The following RUNDC3B variants were observed in gnomAD, a reference collection of about 807,000 sequenced individuals.
RUNDC3B encodes RUN domain-containing protein 3B.
A neutral mutation model predicts 58.4 loss-of-function variants in RUNDC3B; 33 were observed. The ratio of observed to expected loss-of-function variants is 0.56; its 90% CI spans 0.43 to 0.75. The LOEUF (loss-of-function observed/expected upper bound fraction) is 0.75, where lower values mean the gene tolerates loss of function less well. Among genes scored for constraint, RUNDC3B ranks in the 30% least tolerant of loss-of-function variants. RUNDC3B has a pLI of 0.00. For missense variants in RUNDC3B, 501 were observed against 535.7 expected (o/e 0.94, Z 0.64); for synonymous variants, 193 against 195.2 (o/e 0.99, Z 0.10).
chr7:87,745,025 G>T lies in RUNDC3B; in HGVS notation c.629+3446G>T, dbSNP rs150259383. On this transcript the variant is annotated intron_variant, in intron 6 of 10. Transcript: ENST00000394654. ...TTTTGCTGACATTTTTAATCATAAA[G>T]GGATGTGCTGGATTTTATTGAATGC... is the stretch of plus-strand genomic sequence containing the variant. Among the ~76,000 whole-genome samples, 322 of 152,236 alleles carry T rather than the reference G, an allele frequency of 2.1e-3. 1 individual carries two copies. Among genetic ancestry groups the T allele is most frequent in the African/African-American group, 7.3e-3 (302 of 41,542 alleles).
At position 87,653,734 on chromosome 7, in the gene RUNDC3B, T is replaced by C. The variant is rs555338422; in HGVS notation, c.238+2797T>C. Among the ~76,000 whole-genome samples the C allele has an allele frequency of 2.0e-5, 3 of 152,156 alleles. No individual in the cohort carries two copies. In the East Asian group the frequency reaches 5.8e-4, roughly 29 times the overall value. On this transcript the variant is annotated intron_variant, in intron 2 of 10. Coordinates refer to ENST00000394654, the MANE Select transcript of RUNDC3B (RefSeq NM_001134405.2). ...TATAATCCTTTTCCCAAGTTCCCTC[T>C]TTTCTTTCTCCCAGGTAAGGTATTG...
intron 8 of RUNDC3B, among the ~76,000 whole-genome samples, chr7:87,786,514 C>G (rs1202808065): frequency 5.3e-5 from 8 of 150,668 alleles, no homozygotes; most frequent in Admixed American, 5.3e-4. Flanking sequence ...CTTCCATTAG[C>G]AGGGAGAAAA....
chr7:87,824,096 A>T (rs1244948982), intron 10 of RUNDC3B, among the ~76,000 whole-genome samples: 1 of 152,208 alleles, frequency 6.6e-6, no homozygotes, highest in Non-Finnish European at 1.5e-5. Flanking sequence ...TTGGGGGTAC[A>T]TGTGATAATT....
chr7:87,750,277 A>T (rs1193701685), intron 6 of RUNDC3B, among the ~76,000 whole-genome samples: 1 of 151,852 alleles, frequency 6.6e-6, no homozygotes, highest in African/African-American at 2.4e-5. Flanking sequence ...CCAGTCTATC[A>T]TTGTTGGACA....
chr7:87,699,217 A>T (rs1229520352), intron 2 of RUNDC3B, among the ~76,000 whole-genome samples: 2 of 152,152 alleles, frequency 1.3e-5, no homozygotes, highest in Non-Finnish European at 1.5e-5. Flanking sequence ...TAAATAATTA[A>T]ATCATGATGA....
intron 6 of RUNDC3B, among the ~76,000 whole-genome samples, chr7:87,761,745 CA>C (rs1476283532): frequency 1.1e-4 from 17 of 151,894 alleles, no homozygotes; most frequent in Non-Finnish European, 2.2e-4. Context: ...TTCAGTTCCC[CA>C]AAAGTACACT....
intron 2 of RUNDC3B, among the ~76,000 whole-genome samples, chr7:87,663,209 T>G (rs916169083): frequency 1.3e-5 from 2 of 152,290 alleles, no homozygotes; most frequent in Admixed American, 6.5e-5. Context: ...GACTTTTTCC[T>G]TTTTAGTTGG....
At chr7:87,731,441 C>G (rs1374238603) in intron 4 of RUNDC3B, among the ~76,000 whole-genome samples, 2 of 151,946 alleles carry the variant, frequency 1.3e-5, no homozygotes, top group African/African-American at 4.8e-5. Context: ...TGAAAATGGA[C>G]TAAACTCTCC....
chr7:87,828,628 T>A (rs978769820), intron 10 of RUNDC3B, among the ~76,000 whole-genome samples: 2 of 152,220 alleles, frequency 1.3e-5, no homozygotes, highest in African/African-American at 4.8e-5. Context: ...CCACTGCTGA[T>A]GGGCTCCTAG....
chr7:87,721,775 C>T, intron 4 of RUNDC3B, among the ~76,000 whole-genome samples: 1 of 147,548 alleles, frequency 6.8e-6, no homozygotes, highest in South Asian at 2.1e-4. Flanking sequence ...CATTCTCTTT[C>T]TCTCTCTCTC....
At chr7:87,680,015 A>T (rs1282284703) in intron 2 of RUNDC3B, among the ~76,000 whole-genome samples, 1 of 150,414 alleles carries the variant, frequency 6.6e-6, no homozygotes, top group Non-Finnish European at 1.5e-5. Flanking sequence ...TCCTAATGTT[A>T]TCCCTACCCT....
intron 4 of RUNDC3B, among the ~76,000 whole-genome samples, chr7:87,730,259 T>C (rs1398845416): frequency 6.6e-6 from 1 of 152,060 alleles, no homozygotes; most frequent in East Asian, 1.9e-4. Flanking sequence ...CACAGTGATG[T>C]AGAGAAACAA....
At chr7:87,819,446 T>G (rs1013793152) in intron 10 of RUNDC3B, among the ~76,000 whole-genome samples, 1 of 152,258 alleles carries the variant, frequency 6.6e-6, no homozygotes, top group Admixed American at 6.5e-5. Flanking sequence ...TGGGAGACTT[T>G]AACACCCCAC....
chr7:87,766,155 A>G (rs1399432870), intron 6 of RUNDC3B, among the ~76,000 whole-genome samples: 2 of 151,992 alleles, frequency 1.3e-5, no homozygotes, highest in African/African-American at 4.8e-5. Context: ...ATCTTTTTCA[A>G]ACTCTTCCAT....
Position 87,660,677 on chromosome 7 carries a change from A to T in RUNDC3B, c.238+9740A>T, listed in dbSNP as rs891671236. 4.6e-5 allele frequency among the ~76,000 whole-genome samples: 7 copies of T among 151,594 alleles called. No individual in the cohort carries two copies. In the East Asian group the frequency reaches 1.4e-3, roughly 29 times the overall value. On this transcript the variant is annotated intron_variant, in intron 2 of 10. Transcript: ENST00000394654. ...CTGTTATATCTTCTTTGGCTCTATT[A>T]TGTTTATGTTGGACTCTTAGCAGAT...
At chr7:87,656,084 G>C (rs1046101107) in intron 2 of RUNDC3B, among the ~76,000 whole-genome samples, 5 of 151,996 alleles carry the variant, frequency 3.3e-5, no homozygotes, top group Non-Finnish European at 5.9e-5. Context: ...ATAAATTTCA[G>C]TTATCTATAA....
intron 2 of RUNDC3B, among the ~76,000 whole-genome samples, chr7:87,673,781 A>C (rs1241956555): frequency 6.6e-6 from 1 of 152,016 alleles, no homozygotes; most frequent in Non-Finnish European, 1.5e-5. Context: ...GTAATAAGAC[A>C]CTCTGGCTGT....
intron 6 of RUNDC3B, among the ~76,000 whole-genome samples, chr7:87,750,510 T>C (rs1832909015): frequency 6.6e-6 from 1 of 152,116 alleles, no homozygotes; most frequent in African/African-American, 2.4e-5. Context: ...GTAAAAGTGT[T>C]CCTATTTCTC....
intron 8 of RUNDC3B, among the ~76,000 whole-genome samples, chr7:87,780,737 A>G (rs1400035694): frequency 6.6e-6 from 1 of 152,162 alleles, no homozygotes; most frequent in Non-Finnish European, 1.5e-5. Flanking sequence ...TTGAATAGGG[A>G]GTCCTTTCTC....
Sources: gnomAD v4.1 joint callset for allele counts (sites outside exome capture counted in the v4.1 genomes callset) on GRCh38, gnomAD v4.1.1 for gene constraint, MANE v1.5 for transcripts, NCBI Gene and HGNC (gene_info 2026-07-23, HGNC 2026-07-21) for gene names.